Variants in PHLDA3 observed in about 807,000 individuals in gnomAD.
PHLDA3 encodes pleckstrin homology-like domain family A member 3.
Under a neutral mutation model 7.6 loss-of-function variants are expected in PHLDA3, and 12 were observed. The observed-to-expected ratio is 1.58, with a 90% confidence interval of 1.01 to 2.55. PHLDA3 has a LOEUF of 2.55. PHLDA3 is among the 30% of genes most tolerant of loss of function. The probability of loss-of-function intolerance (pLI) is 0.00; values close to 1 mark genes in which losing one functional copy is unlikely to be tolerated. For synonymous variants in PHLDA3, 104 were observed against 85.1 expected (o/e 1.22, Z -1.23); for missense variants, 177 against 175.6 (o/e 1.01, Z -0.05).
rs747623193 is a variant in PHLDA3 at position 201,468,381 on chromosome 1, G to GA, written c.*21dup. 4 of 1,613,498 alleles carry GA rather than the reference G, an allele frequency of 2.5e-6. No homozygotes were observed. In the East Asian group the frequency reaches 8.9e-5, roughly 36 times the overall value. On this transcript the variant is annotated 3_prime_UTR_variant, in exon 1 of 2. Transcript: ENST00000367311. The stretch of plus-strand genomic sequence containing the variant: ...CACTGAGGTGGTGGGTAGCATGAAG[G>GA]AAAGATGGTGCGCCCGGTGGTTTAG...
chr1:201,467,062 G>C (rs888936238), intron 1 of PHLDA3, among the ~76,000 whole-genome samples: 1 of 152,158 alleles, frequency 6.6e-6, no homozygotes, highest in Non-Finnish European at 1.5e-5. Flanking sequence ...TGTAATCTTA[G>C]CACTTTGGGA....
rs1663614297 is a variant in PHLDA3 at position 201,464,525 on chromosome 1, A to G, written c.*1716T>C. Reference sequence around the variant, plus strand: ...TGGGGCACAGGACAGGGAAGTTTTTATTGGAAGGCGAGAGAAATCTGAACG... The same window carrying G: ...TGGGGCACAGGACAGGGAAGTTTTTGTTGGAAGGCGAGAGAAATCTGAACG... On this transcript the variant is annotated 3_prime_UTR_variant, in exon 2 of 2. Transcript: ENST00000367311. 1 of 152,244 alleles carries G rather than the reference A, an allele frequency of 6.6e-6. No individual in the cohort carries two copies. Among genetic ancestry groups the G allele is most frequent in the South Asian group, 2.1e-4 (1 of 4,830 alleles). 9.4% of individuals were successfully genotyped at this position (152,244 alleles called of 1,614,324 possible).
At position 201,469,108 on chromosome 1, in the gene PHLDA3, G is replaced by T. The variant is rs1199619331; in HGVS notation, c.-322C>A. On this transcript the variant is annotated 5_prime_UTR_variant, in exon 1 of 2. Coordinates refer to ENST00000367311, the MANE Select transcript of PHLDA3 (RefSeq NM_012396.5). ...AGGCCGTGAGCCCCACCGCCCGCCC[G>T]TTCTCTTGCTCCCCTGGGCTCTGTC... The T allele has an allele frequency of 7.0e-6, 2 of 287,220 alleles. No individual in the cohort carries two copies. Among genetic ancestry groups the T allele is most frequent in the African/African-American group, 2.2e-5 (1 of 44,962 alleles). The allele number at this position is 287,220 out of a possible 1,614,324, so 17.8% of individuals were successfully genotyped here.
rs757999862 is a variant in PHLDA3, at chr1:201,468,691, G to A, written c.96C>T (p.Val32=). 1.9e-6 allele frequency: 3 copies of A among 1,610,860 alleles called. No individual in the cohort carries two copies. The highest frequency in any genetic ancestry group is 2.2e-5 in the South Asian group (2 of 91,034). The change falls in exon 1 of 2, where the codon GTC becomes GTT. Residue 32 remains valine, a synonymous_variant. Transcript: ENST00000367311. The part of the protein sequence containing the change: ...LLQLWKRKRC[V]LTERGLQLFE... ...AGAGCTGCAGCCCGCGTTCGGTGAG[G>A]ACGCAGCGCTTCCGCTTCCACAGCT... is the stretch of plus-strand genomic sequence containing the variant.
Position 201,468,989 on chromosome 1 carries a change from G to A in PHLDA3, c.-203C>T, listed in dbSNP as rs925184337. Reference sequence around the variant, plus strand: ...TGTCGGTGCCCCCAGCGCGCTCCGCGCCCACCGCCCCGCTTCAGCCGGCAC... The same window carrying A: ...TGTCGGTGCCCCCAGCGCGCTCCGCACCCACCGCCCCGCTTCAGCCGGCAC... On this transcript the variant is annotated 5_prime_UTR_variant, in exon 1 of 2. Coordinates refer to ENST00000367311, the MANE Select transcript of PHLDA3 (RefSeq NM_012396.5). The A allele has an allele frequency of 2.1e-6, 1 of 485,640 alleles. No homozygotes were observed. Among genetic ancestry groups the A allele is most frequent in the African/African-American group, 2.0e-5 (1 of 48,860 alleles). The allele number at this position is 485,640 out of a possible 1,614,324, so 30.1% of individuals were successfully genotyped here. A position where few individuals can be genotyped will look rare whatever the true frequency, so the allele number is the denominator to read the frequency against.
intron 1 of PHLDA3, among the ~76,000 whole-genome samples, chr1:201,466,863 C>T (rs957585682): frequency 3.3e-5 from 5 of 152,154 alleles, no homozygotes; most frequent in African/African-American, 1.2e-4. Context: ...CCAGCTTCTC[C>T]TTCCCTGGCC....
In PHLDA3 at chr1:201,464,479, C is replaced by T. The variant is rs1163901857; in HGVS notation, c.*1762G>A. 1 of 152,216 alleles carries T rather than the reference C, an allele frequency of 6.6e-6. No individual in the cohort carries two copies. Among genetic ancestry groups the T allele is most frequent in the Non-Finnish European group, 1.5e-5 (1 of 68,046 alleles). 9.4% of individuals were successfully genotyped at this position (152,216 alleles called of 1,614,324 possible). A position where few individuals can be genotyped will look rare whatever the true frequency, so the allele number is the denominator to read the frequency against. On this transcript the variant is annotated 3_prime_UTR_variant, in exon 2 of 2. Transcript: ENST00000367311. The stretch of plus-strand genomic sequence containing the variant: ...CACACATCAGATGAGCAAGTTGAAC[C>T]TCTTGTGGACTCTGAGGGACTGGGG...
Position 201,465,398 on chromosome 1 carries a change from CTT to C in PHLDA3, c.*841_*842del, listed in dbSNP as rs1446261127. The C allele has an allele frequency of 6.5e-6, 1 of 152,698 alleles. No individual in the cohort carries two copies. Among genetic ancestry groups the C allele is most frequent in the East Asian group, 1.9e-4 (1 of 5,188 alleles). The allele number at this position is 152,698 out of a possible 1,614,324, so 9.5% of individuals were successfully genotyped here. On this transcript the variant is annotated 3_prime_UTR_variant, in exon 2 of 2. Transcript: ENST00000367311. Reference sequence around the variant, plus strand: ...TGTCTCTGCCTATCCAGGCTGGAGACTTCAGAATGGGTTGCAAATTGGGAGAT... The same window carrying C: ...TGTCTCTGCCTATCCAGGCTGGAGACCAGAATGGGTTGCAAATTGGGAGAT...
Position 201,468,490 on chromosome 1 carries a change from G to A in PHLDA3, c.297C>T (p.Thr99=). The A allele has an allele frequency of 1.2e-6, 2 of 1,614,180 alleles. No individual in the cohort carries two copies. The highest frequency in any genetic ancestry group is 1.7e-6 in the Non-Finnish European group (2 of 1,180,034). The stretch of plus-strand genomic sequence containing the variant: ...GGTTCTTGAACTTGACCAGGCCTAG[G>A]GTGATCTGGGCGTTCCAGCCGGGAT... The part of the protein sequence containing the change: ...LEDPGWNAQI[T]LGLVKFKNQQ... Residue 99 remains threonine (T), a synonymous_variant, in exon 1 of 2, where the codon ACC becomes ACT. Transcript: ENST00000367311.
intron 1 of PHLDA3, chr1:201,467,444 C>T (rs1464299007): frequency 6.6e-6 from 1 of 152,170 alleles, no homozygotes; most frequent in African/African-American, 2.4e-5. Context: ...AACCCCATCT[C>T]TACTAAAAAT....
At chr1:201,468,123 C>T (rs1020639868) in intron 1 of PHLDA3, among the ~76,000 whole-genome samples, 1 of 152,226 alleles carries the variant, frequency 6.6e-6, no homozygotes, top group Non-Finnish European at 1.5e-5. Flanking sequence ...TCTCACACAC[C>T]TGGATCACAT....
At chr1:201,467,047 ACAC>A (rs1663680478) in intron 1 of PHLDA3, among the ~76,000 whole-genome samples, 1 of 152,134 alleles carries the variant, frequency 6.6e-6, no homozygotes, top group Non-Finnish European at 1.5e-5. Context: ...GTGGTGGCTT[ACAC>A]CTGTAATCTT....
Position 201,468,289 on chromosome 1 carries a change from G to T in PHLDA3, c.*62+52C>A, listed in dbSNP as rs896343983. 8.4e-6 allele frequency: 10 copies of T among 1,187,700 alleles called. No homozygotes were observed. In the African/African-American group the frequency reaches 1.5e-4, roughly 18 times the overall value. 73.6% of individuals were successfully genotyped at this position (1,187,700 alleles called of 1,614,324 possible). On this transcript the variant is annotated intron_variant, in intron 1 of 1. Transcript: ENST00000367311. ...GCTAGTCCTCATTCTCTCTGTAGGG[G>T]AAAGAGAAGGGAGGGAAGGAGAGAA...
intron 1 of PHLDA3, chr1:201,466,704 C>T (rs1571760947): frequency 6.6e-6 from 1 of 152,382 alleles, no homozygotes; most frequent in African/African-American, 2.4e-5. Flanking sequence ...AGATTCTATT[C>T]CTGGCCCCTC....
Position 201,467,089 on chromosome 1 carries a change from T to C in PHLDA3, c.*63-911A>G, listed in dbSNP as rs762226660. On this transcript the variant is annotated intron_variant, in intron 1 of 1. Transcript: ENST00000367311. ...ACTTTGGGAGGCCAAGGTGGGCAGA[T>C]TGCTTGAGCTCAGGAGTTCGAAACC... Among the ~76,000 whole-genome samples the C allele has an allele frequency of 8.5e-5, 13 of 152,064 alleles. 1 individual carries two copies. Among genetic ancestry groups the C allele is most frequent in the Admixed American group, 7.2e-4 (11 of 15,274 alleles).
At position 201,465,004 on chromosome 1, in the gene PHLDA3, G is replaced by C. The variant is rs1301065751; in HGVS notation, c.*1237C>G. ...AATTTTTGTTTTTAGTAGAGACAGG[G>C]TTTCACCAAGTTGGCCAGGCTGGTC... On this transcript the variant is annotated 3_prime_UTR_variant, in exon 2 of 2. Coordinates refer to ENST00000367311, the MANE Select transcript of PHLDA3 (RefSeq NM_012396.5). 2 of 152,160 alleles carry C rather than the reference G, an allele frequency of 1.3e-5. No individual in the cohort carries two copies. Among genetic ancestry groups the C allele is most frequent in the Non-Finnish European group, 2.9e-5 (2 of 68,080 alleles). 9.4% of individuals were successfully genotyped at this position (152,160 alleles called of 1,614,324 possible). A position where few individuals can be genotyped will look rare whatever the true frequency, so the allele number is the denominator to read the frequency against.
In PHLDA3 at chr1:201,469,024, C is replaced by CGCTCTACCCCAGCTGGCCCA. The variant is rs1210672872; in HGVS notation, c.-258_-239dup. On this transcript the variant is annotated 5_prime_UTR_variant, in exon 1 of 2. Transcript: ENST00000367311. ...CCGCTTCAGCCGGCACCCGCTCCTC[C>CGCTCTACCCCAGCTGGCCCA]GCTCTACCCCAGCTGGCCCAGCCCG... The CGCTCTACCCCAGCTGGCCCA allele has an allele frequency of 2.4e-6, 1 of 417,344 alleles. No individual in the cohort carries two copies. The highest frequency in any genetic ancestry group is 4.3e-5 in the East Asian group (1 of 23,444). The allele number at this position is 417,344 out of a possible 1,614,324, so 25.9% of individuals were successfully genotyped here. A position where few individuals can be genotyped will look rare whatever the true frequency, so the allele number is the denominator to read the frequency against.
At chr1:201,467,814 C>T (rs1663707713) in intron 1 of PHLDA3, among the ~76,000 whole-genome samples, 1 of 152,222 alleles carries the variant, frequency 6.6e-6, no homozygotes, top group East Asian at 1.9e-4. Context: ...ATGGTGCCTT[C>T]GCCATCTGGG....
chr1:201,467,611 A>AAAC lies in PHLDA3; in HGVS notation c.*62+727_*62+729dup, dbSNP rs757247379. The AAAC allele has an allele frequency of 1.5e-3, 230 of 152,558 alleles. 1 individual carries two copies. The highest frequency in any genetic ancestry group is 4.8e-3 in the African/African-American group (197 of 40,724). The allele number at this position is 152,558 out of a possible 1,614,324, so 9.5% of individuals were successfully genotyped here. ...GGGTGACACAGCGAGACTCTGTCTCAAACAACAACAACAACAACAACAAAC... is the reference window on the plus strand; with the variant it reads ...GGGTGACACAGCGAGACTCTGTCTCAAACAACAACAACAACAACAACAACAAAC... On this transcript the variant is annotated intron_variant, in intron 1 of 1. Coordinates refer to ENST00000367311, the MANE Select transcript of PHLDA3 (RefSeq NM_012396.5).
Sources: gnomAD v4.1 joint callset for allele counts (sites outside exome capture counted in the v4.1 genomes callset) on GRCh38, gnomAD v4.1.1 for gene constraint, MANE v1.5 for transcripts, NCBI Gene and HGNC (gene_info 2026-07-23, HGNC 2026-07-21) for gene names.